Variants in TENM1 observed in about 807,000 individuals in gnomAD.
The protein encoded by TENM1 is teneurin transmembrane protein 1.
A neutral mutation model predicts 174.8 loss-of-function variants in TENM1; 35 were observed. That is an observed-to-expected ratio of 0.20 (90% CI 0.15 to 0.27). The LOEUF is 0.27. Among genes scored for constraint, TENM1 ranks in the 10% least tolerant of loss-of-function variants. The pLI is 1.00. For synonymous variants in TENM1, 781 were observed against 798.7 expected, an observed-to-expected ratio of 0.98 and a Z score of 0.37; for missense variants, 1,633 against 2,130.1, an observed-to-expected ratio of 0.77 and a Z score of 4.59.
At chrX:124,523,427 A>ATTC (rs2047899531) in exon 17 of TENM1, 1 of 1,210,068 alleles carries the variant, frequency 8.3e-7, no homozygotes, top group Non-Finnish European at 1.1e-6. Context: ...TGAGCGGTGA[A>ATTC]GGAAGCACAA....
intron 5 of TENM1, among the ~76,000 whole-genome samples, chrX:124,681,179 C>T (rs1177403920): frequency 9.0e-6 from 1 of 111,668 alleles, no homozygotes; most frequent in Non-Finnish European, 1.9e-5. Context: ...ATTTTAAAAA[C>T]CCTGTCATTA....
intron 3 of TENM1, among the ~76,000 whole-genome samples, chrX:124,752,209 T>C (rs1214714926): frequency 2.7e-5 from 3 of 111,213 alleles, no homozygotes; most frequent in Middle Eastern, 4.2e-3. Context: ...TGGTATCTCA[T>C]TGTGGTTTTG....
At chrX:124,958,429 C>G (rs1186846387) in intron 1 of TENM1, among the ~76,000 whole-genome samples, 1 of 111,727 alleles carries the variant, frequency 9.0e-6, no homozygotes, top group Non-Finnish European at 1.9e-5. Context: ...ATATCATCTG[C>G]CCTTTTCTAA....
the TENM1 span, among the ~76,000 whole-genome samples, chrX:125,158,401 C>CA: frequency 4.3e-3 from 156 of 36,407 alleles, no homozygotes; most frequent in Admixed American, 5.6e-3. Context: ...GAATCCATCT[C>CA]AAAAAAAAAA....
the TENM1 span, among the ~76,000 whole-genome samples, chrX:125,154,245 T>A: frequency 1.8e-5 from 2 of 112,429 alleles, no homozygotes; most frequent in Non-Finnish European, 3.8e-5. Context: ...TACATTTTTT[T>A]AATTTACATA....
chrX:124,996,604 G>A, the TENM1 span, among the ~76,000 whole-genome samples: 2 of 106,954 alleles, frequency 1.9e-5, no homozygotes, highest in Non-Finnish European at 3.9e-5. Context: ...TATAATTGCA[G>A]CTTCAAATGA....
chrX:125,181,921 C>A, the TENM1 span, among the ~76,000 whole-genome samples: 12 of 111,882 alleles, frequency 1.1e-4, no homozygotes, highest in African/African-American at 3.2e-4. Flanking sequence ...AGAGACTACT[C>A]CTTACATTTT....
intron 11 of TENM1, among the ~76,000 whole-genome samples, chrX:124,632,835 C>G (rs1025626879): frequency 8.9e-6 from 1 of 112,117 alleles, no homozygotes. Context: ...TCTTCTATAT[C>G]TCCAATCACC....
chrX:125,117,222 TACC>T, the TENM1 span, among the ~76,000 whole-genome samples: 246 of 111,571 alleles, frequency 2.2e-3, no homozygotes, highest in African/African-American at 7.8e-3. Context: ...TAAATCATTC[TACC>T]ATAAAGACAT....
chrX:124,841,256 A>G (rs2056492656), intron 3 of TENM1, among the ~76,000 whole-genome samples: 2 of 111,790 alleles, frequency 1.8e-5, no homozygotes, highest in South Asian at 7.5e-4. Context: ...AAACACACAC[A>G]CTTAGATAAA....
the TENM1 span, among the ~76,000 whole-genome samples, chrX:125,115,524 G>A: frequency 5.4e-5 from 6 of 111,506 alleles, no homozygotes; most frequent in South Asian, 1.1e-3. Flanking sequence ...TTAAGCTGAT[G>A]AGCAACTTCA....
In TENM1 at chrX:124,529,029, T is replaced by C. The variant is rs146402666; in HGVS notation, c.2771+835A>G. On this transcript the variant is annotated intron_variant, in intron 16 of 31. Coordinates refer to ENST00000422452, the Ensembl canonical transcript of TENM1. Reference sequence around the variant, plus strand: ...AATGAGATAGTTTCTCACAGTGTGATAAAGCTCGAAGCCAACAGGTCTTTT... The same window carrying C: ...AATGAGATAGTTTCTCACAGTGTGACAAAGCTCGAAGCCAACAGGTCTTTT... 2.3e-3 allele frequency among the ~76,000 whole-genome samples: 258 copies of C among 111,584 alleles called. 1 individual carries two copies. Among genetic ancestry groups the C allele is most frequent in the African/African-American group, 8.0e-3 (246 of 30,690 alleles).
intron 3 of TENM1, among the ~76,000 whole-genome samples, chrX:124,793,939 C>T (rs2055242849): frequency 9.0e-6 from 1 of 110,633 alleles, no homozygotes; most frequent in Non-Finnish European, 1.9e-5. Context: ...TCCTCTTCTC[C>T]CAAGTGGCCC....
intron 20 of TENM1, among the ~76,000 whole-genome samples, chrX:124,490,089 C>T (rs2047033833): frequency 1.8e-5 from 2 of 111,917 alleles, no homozygotes; most frequent in African/African-American, 6.5e-5. Context: ...TATCAAGGGA[C>T]TCGTGAATGC....
intron 3 of TENM1, among the ~76,000 whole-genome samples, chrX:124,763,422 G>T (rs2054467479): frequency 1.8e-5 from 2 of 111,418 alleles, no homozygotes; most frequent in South Asian, 7.6e-4. Flanking sequence ...TGCTTATTAA[G>T]TGTTAGGTAT....
At chrX:125,040,197 G>A in the TENM1 span, among the ~76,000 whole-genome samples, 2 of 111,068 alleles carry the variant, frequency 1.8e-5, no homozygotes, top group Non-Finnish European at 1.9e-5. Flanking sequence ...TGGATTTACC[G>A]TAAAGCTTAA....
chrX:125,106,082 A>G, the TENM1 span, among the ~76,000 whole-genome samples: 5 of 111,624 alleles, frequency 4.5e-5, no homozygotes, highest in African/African-American at 1.6e-4. Flanking sequence ...CCTTGCCTAA[A>G]TGAGTCCTTC....
intron 11 of TENM1, among the ~76,000 whole-genome samples, chrX:124,634,191 C>G (rs1385739860): frequency 1.8e-5 from 2 of 111,525 alleles, no homozygotes; most frequent in Admixed American, 1.9e-4. Flanking sequence ...ACTATAAATC[C>G]TCCTATCATA....
chrX:124,540,501 C>T lies in TENM1; in HGVS notation c.2651+6373G>A, dbSNP rs112410637. On this transcript the variant is annotated intron_variant, in intron 15 of 31. Transcript: ENST00000422452. ...AGATCAGCAGCTTCTGCAGCGATGA[C>T]CATCTTCCTGCAACCTTCCCTCGAT... 5.5e-3 allele frequency among the ~76,000 whole-genome samples: 614 copies of T among 111,949 alleles called. 4 individuals are homozygous for T. The highest frequency in any genetic ancestry group is 0.018 in the African/African-American group (562 of 30,818).
Sources: gnomAD v4.1 joint callset for allele counts (sites outside exome capture counted in the v4.1 genomes callset) on GRCh38, gnomAD v4.1.1 for gene constraint, MANE v1.5 for transcripts, NCBI Gene and HGNC (gene_info 2026-07-23, HGNC 2026-07-21) for gene names.